The following LMO7 variants were observed in gnomAD, a reference collection of about 807,000 sequenced individuals.
The protein encoded by LMO7 is LIM domain only protein 7.
LMO7 carries 120 observed loss-of-function variants against 206.5 expected under a neutral mutation model. That is an observed-to-expected ratio of 0.58 (90% CI 0.50 to 0.68). The LOEUF is 0.68. LMO7 is among the 30% of genes least tolerant of loss of function. The pLI is 0.00. For synonymous variants in LMO7, 706 were observed against 681.5 expected (o/e 1.04, Z -0.56); for missense variants, 1,959 against 1,957.9 (o/e 1.00, Z -0.01).
chr13:75,856,688 C>A, intron 30 of LMO7, 80 bp downstream of exon 30: 1 of 812,950 alleles, frequency 1.2e-6, no homozygotes. Context: ...GAACCTGCAG[C>A]GAGCTCCCCT....
chr13:75,848,965 G>T lies in LMO7; in HGVS notation c.4151-114G>T, dbSNP rs2060247381. ...TTATGGCCATTCTTGCAGGAGTAAG[G>T]TGGTATCACATTATGGTTTTGATTT... is the stretch of plus-strand genomic sequence containing the variant. On this transcript the variant is annotated intron_variant, in intron 26 of 30. Coordinates refer to ENST00000377534, the MANE Select transcript of LMO7 (RefSeq NM_001306080.2). 7 of 649,384 alleles carry T rather than the reference G, an allele frequency of 1.1e-5. No homozygotes were observed. In the South Asian group the frequency reaches 1.4e-4, roughly 13 times the overall value. 40.2% of individuals were successfully genotyped at this position (649,384 alleles called of 1,614,324 possible).
chr13:75,671,330 G>A (rs772579433), intron 1 of LMO7, among the ~76,000 whole-genome samples: 2 of 151,428 alleles, frequency 1.3e-5, no homozygotes, highest in African/African-American at 4.9e-5. Flanking sequence ...TATACTACTG[G>A]CAGCATAGTA....
chr13:75,785,827 A>T (rs1566456341), intron 4 of LMO7, among the ~76,000 whole-genome samples: 2 of 152,228 alleles, frequency 1.3e-5, no homozygotes, highest in South Asian at 2.1e-4. Context: ...GATCCTAAAG[A>T]CTAAAAGATT....
At chr13:75,707,846 A>G (rs982437789) in intron 1 of LMO7, among the ~76,000 whole-genome samples, 2 of 151,912 alleles carry the variant, frequency 1.3e-5, no homozygotes, top group African/African-American at 4.8e-5. Context: ...GTACATCAAT[A>G]TTTAGATATA....
rs2058820015 is a variant in LMO7 at position 75,833,174 on chromosome 13, T to C, written c.3064+9T>C. 1.4e-6 allele frequency: 2 copies of C among 1,417,514 alleles called. No individual in the cohort carries two copies. The highest frequency in any genetic ancestry group is 2.0e-6 in the Non-Finnish European group (2 of 1,000,742). 87.8% of individuals were successfully genotyped at this position (1,417,514 alleles called of 1,614,324 possible). The stretch of plus-strand genomic sequence containing the variant: ...AGCATCAGTTGAAGCAGGTAAATTA[T>C]GTGTTTAGCTCTACTGAATTTTCTT... On this transcript the variant is annotated intron_variant, in intron 16 of 30. Transcript: ENST00000377534.
In LMO7 at chr13:75,819,385, T is replaced by C. The variant is rs1463194235; in HGVS notation, c.2065-8T>C. On this transcript the variant is annotated splice_region_variant and splice_polypyrimidine_tract_variant and intron_variant, in intron 12 of 30. Coordinates refer to ENST00000377534, the MANE Select transcript of LMO7 (RefSeq NM_001306080.2). Reference sequence around the variant, plus strand: ...GGTGTGCCCCTGCTGATGTGATTTTTCTGTCAGGACCTTGCAAAATGGAAA... The same window carrying C: ...GGTGTGCCCCTGCTGATGTGATTTTCCTGTCAGGACCTTGCAAAATGGAAA... 6.3e-7 allele frequency: 1 copy of C among 1,588,640 alleles called. No individual in the cohort carries two copies. Among genetic ancestry groups the C allele is most frequent in the Non-Finnish European group, 8.5e-7 (1 of 1,171,816 alleles).
chr13:75,748,963 C>T (rs1381188189), intron 3 of LMO7, among the ~76,000 whole-genome samples: 2 of 151,778 alleles, frequency 1.3e-5, no homozygotes, highest in Non-Finnish European at 2.9e-5. Context: ...AGGCACTGGC[C>T]CCCTGCTAAT....
chr13:75,746,653 AGAC>A (rs1344474212), intron 3 of LMO7, among the ~76,000 whole-genome samples: 9 of 152,222 alleles, frequency 5.9e-5, no homozygotes, highest in Non-Finnish European at 1.2e-4. Context: ...GATGTCCTGT[AGAC>A]GGGAGTTTCT....
chr13:75,736,308 A>C (rs905170053), intron 3 of LMO7, among the ~76,000 whole-genome samples: 1 of 152,240 alleles, frequency 6.6e-6, no homozygotes, highest in Non-Finnish European at 1.5e-5. Flanking sequence ...GCTAAGCCCA[A>C]TTGGTTTAAA....
intron 4 of LMO7, among the ~76,000 whole-genome samples, chr13:75,767,535 T>C (rs986755503): frequency 1.3e-5 from 2 of 152,078 alleles, no homozygotes; most frequent in East Asian, 1.9e-4. Flanking sequence ...GTACACTTTT[T>C]ACCTTTGTCT....
At chr13:75,710,478 C>T (rs1489667850) in intron 1 of LMO7, among the ~76,000 whole-genome samples, 4 of 151,896 alleles carry the variant, frequency 2.6e-5, no homozygotes, top group African/African-American at 9.7e-5. Context: ...TTTCATTGAG[C>T]AGTGGTTTGT....
At chr13:75,729,504 T>C (rs1408860248) in intron 3 of LMO7, among the ~76,000 whole-genome samples, 27 of 150,746 alleles carry the variant, frequency 1.8e-4, no homozygotes, top group East Asian at 1.2e-3. Context: ...CTGAAGTTGC[T>C]TATCAGCTTA....
rs1262111730 is a variant in LMO7, at chr13:75,760,247, C to T, written c.211-685C>T. 4 of 515,794 alleles carry T rather than the reference C, an allele frequency of 7.8e-6. No individual in the cohort carries two copies. In the East Asian group the frequency reaches 6.1e-4, roughly 78 times the overall value. The allele number at this position is 515,794 out of a possible 1,614,324, so 32.0% of individuals were successfully genotyped here. Reference sequence around the variant, plus strand: ...GTTTTGAAATTAGATATGAGGGCAACCTTGGAGGGAGGGGATAGGCTTTCA... The same window carrying T: ...GTTTTGAAATTAGATATGAGGGCAATCTTGGAGGGAGGGGATAGGCTTTCA... On this transcript the variant is annotated intron_variant, in intron 3 of 30. Coordinates refer to ENST00000377534, the MANE Select transcript of LMO7 (RefSeq NM_001306080.2).
chr13:75,794,214 C>G (rs2053671454), intron 4 of LMO7, among the ~76,000 whole-genome samples: 2 of 152,142 alleles, frequency 1.3e-5, no homozygotes, highest in African/African-American at 4.8e-5. Flanking sequence ...ATGTATTTAG[C>G]TTGAATAGAT....
At chr13:75,712,794 G>A (rs1886098) in intron 1 of LMO7, among the ~76,000 whole-genome samples, 4,652 of 152,206 alleles carry the variant, frequency 0.031, 104 homozygotes, top group Admixed American at 0.044. Context: ...ATTCAGTGTC[G>A]TTGGTATCTT....
intron 1 of LMO7, among the ~76,000 whole-genome samples, chr13:75,679,739 A>C (rs940915389): frequency 6.6e-6 from 1 of 152,148 alleles, no homozygotes; most frequent in Non-Finnish European, 1.5e-5. Flanking sequence ...GTGCCACCAC[A>C]TTCAGTTAAT....
intron 3 of LMO7, among the ~76,000 whole-genome samples, chr13:75,748,259 G>A (rs1395899055): frequency 1.3e-5 from 2 of 152,126 alleles, no homozygotes; most frequent in Non-Finnish European, 2.9e-5. Flanking sequence ...GTTGTTTTAA[G>A]CAACTTAATA....
chr13:75,707,594 A>C (rs1012595774), intron 1 of LMO7, among the ~76,000 whole-genome samples: 4 of 152,140 alleles, frequency 2.6e-5, no homozygotes, highest in Non-Finnish European at 5.9e-5. Context: ...GAGAATATGC[A>C]TATTTAAGAC....
At chr13:75,663,962 C>T (rs930476257) in intron 1 of LMO7, among the ~76,000 whole-genome samples, 4 of 152,030 alleles carry the variant, frequency 2.6e-5, no homozygotes, top group African/African-American at 9.7e-5. Context: ...TCACTTCAAG[C>T]ATTTATCCTT....
Sources: allele counts gnomAD v4.1 joint callset (sites outside exome capture counted in the v4.1 genomes callset), GRCh38; gene constraint gnomAD v4.1.1; transcripts MANE v1.5; gene names NCBI Gene and HGNC (gene_info 2026-07-23, HGNC 2026-07-21).